PHACTR1: variants seen among roughly 807,000 people sequenced by gnomAD.
The protein encoded by PHACTR1 is RPEL repeat containing 1.
Under a neutral mutation model 69.2 loss-of-function variants are expected in PHACTR1, and 16 were observed. The observed-to-expected ratio is 0.23, with a 90% CI of 0.16 to 0.35. The LOEUF is 0.35. Among genes scored for constraint, PHACTR1 ranks in the 10% least tolerant of loss-of-function variants. The pLI is 1.00. For missense variants in PHACTR1, 510 were observed against 734.7 expected, an observed-to-expected ratio of 0.69 and a Z score of 3.54; for synonymous variants, 312 against 284.5, an observed-to-expected ratio of 1.10 and a Z score of -0.97.
At chr6:12,984,312 T>G (rs1180537286) in intron 4 of PHACTR1, among the ~76,000 whole-genome samples, 2 of 152,248 alleles carry the variant, frequency 1.3e-5, no homozygotes, top group Non-Finnish European at 2.9e-5. Flanking sequence ...GGCCATATAG[T>G]CAAGAGTGTG....
intron 4 of PHACTR1, among the ~76,000 whole-genome samples, chr6:12,923,732 G>A (rs1280630383): frequency 6.6e-6 from 1 of 152,024 alleles, no homozygotes; most frequent in African/African-American, 2.4e-5. Flanking sequence ...TTCTTCACCA[G>A]ATTTGCTCTT....
At chr6:13,012,331 C>T (rs1458221881) in intron 4 of PHACTR1, among the ~76,000 whole-genome samples, 2 of 152,208 alleles carry the variant, frequency 1.3e-5, no homozygotes, top group Non-Finnish European at 2.9e-5. Flanking sequence ...GTGTAGAATT[C>T]GCCCAGTTGG....
At chr6:12,769,108 G>GTAACT (rs1224317342) in intron 4 of PHACTR1, among the ~76,000 whole-genome samples, 2 of 152,088 alleles carry the variant, frequency 1.3e-5, no homozygotes, top group Admixed American at 1.3e-4. Context: ...GGGAGAGGTT[G>GTAACT]GTCAATCGGT....
At position 12,959,201 on chromosome 6, in the gene PHACTR1, G is replaced by GA. The variant is rs67449659; in HGVS notation, c.251-94154dup. Among the ~76,000 whole-genome samples the GA allele has an allele frequency of 4.4e-4, 52 of 118,526 alleles. No individual in the cohort carries two copies. In the East Asian group the frequency reaches 6.4e-3, roughly 14 times the overall value. 77.8% of individuals were successfully genotyped at this position (118,526 alleles called of 152,430 possible). A position where few individuals can be genotyped will look rare whatever the true frequency, so the allele number is the denominator to read the frequency against. On this transcript the variant is annotated intron_variant, in intron 4 of 14. Coordinates refer to ENST00000332995, the MANE Select transcript of PHACTR1 (RefSeq NM_030948.6). Reference sequence around the variant, plus strand: ...CAAAAAAAAAAAAAAAAAAAGAAAAGAAAAAAAAAAGAAAAGAAAACAGAA... The same window carrying GA: ...CAAAAAAAAAAAAAAAAAAAGAAAAGAAAAAAAAAAAGAAAAGAAAACAGAA...
chr6:13,230,406 G>C (rs890010834), intron 10 of PHACTR1: 1 of 1,137,542 alleles, frequency 8.8e-7, no homozygotes, highest in African/African-American at 1.6e-5. Context: ...GCAAAAATTA[G>C]TCAGGCATGG....
intron 4 of PHACTR1, among the ~76,000 whole-genome samples, chr6:12,917,201 T>A (rs1787113560): frequency 6.6e-6 from 1 of 152,204 alleles, no homozygotes. Context: ...GTACACCAGT[T>A]TATGTTTTTC....
Position 12,944,815 on chromosome 6 carries a change from C to G in PHACTR1, c.251-108550C>G, listed in dbSNP as rs528201137. On this transcript the variant is annotated intron_variant, in intron 4 of 14. Transcript: ENST00000332995. The stretch of plus-strand genomic sequence containing the variant: ...TTTTTTTTTTTGAGACGGAGTCTGG[C>G]TCTATCGCCCAGGCTGGAATGCAGT... 1.2e-3 allele frequency among the ~76,000 whole-genome samples: 176 copies of G among 149,452 alleles called. 1 individual carries two copies. The highest frequency in any genetic ancestry group is 2.3e-3 in the Non-Finnish European group (157 of 67,756).
chr6:13,172,194 CTG>C (rs1040401845), intron 6 of PHACTR1, among the ~76,000 whole-genome samples: 2 of 152,188 alleles, frequency 1.3e-5, no homozygotes, highest in African/African-American at 4.8e-5. Flanking sequence ...AGGAGAGAAA[CTG>C]TGACATTCTG....
intron 4 of PHACTR1, among the ~76,000 whole-genome samples, chr6:12,931,639 G>C (rs542501913): frequency 1.3e-5 from 2 of 152,156 alleles, no homozygotes; most frequent in South Asian, 2.1e-4. Flanking sequence ...GCTCACGTCA[G>C]CATCCGGGGA....
intron 4 of PHACTR1, among the ~76,000 whole-genome samples, chr6:12,910,994 A>G (rs1203347178): frequency 1.3e-5 from 2 of 152,208 alleles, no homozygotes; most frequent in African/African-American, 4.8e-5. Flanking sequence ...TCTGACTGGC[A>G]TGAAAGCTCA....
intron 4 of PHACTR1, among the ~76,000 whole-genome samples, chr6:12,955,130 A>G (rs964393910): frequency 6.6e-6 from 1 of 151,892 alleles, no homozygotes; most frequent in Non-Finnish European, 1.5e-5. Context: ...TTTCCCTTAA[A>G]AAATTTTAAT....
intron 4 of PHACTR1, among the ~76,000 whole-genome samples, chr6:12,789,281 C>A (rs927179157): frequency 3.3e-5 from 5 of 152,164 alleles, no homozygotes; most frequent in Admixed American, 3.3e-4. Flanking sequence ...CATTGGTAAA[C>A]CTTCCTTGTG....
At chr6:13,282,202 T>A (rs1780435527) in intron 12 of PHACTR1, among the ~76,000 whole-genome samples, 1 of 152,330 alleles carries the variant, frequency 6.6e-6, no homozygotes, top group Non-Finnish European at 1.5e-5. Context: ...TGTCTTCTAG[T>A]AATAGAATTA....
intron 4 of PHACTR1, among the ~76,000 whole-genome samples, chr6:13,029,477 G>C (rs1210974265): frequency 1.3e-5 from 2 of 152,180 alleles, no homozygotes; most frequent in African/African-American, 2.4e-5. Flanking sequence ...GGCATGGCTA[G>C]TGACGGCAGA....
chr6:12,993,369 T>G (rs1797038119), intron 4 of PHACTR1, among the ~76,000 whole-genome samples: 1 of 152,224 alleles, frequency 6.6e-6, no homozygotes, highest in Non-Finnish European at 1.5e-5. Context: ...TTTGAAATAC[T>G]CATTCATTAG....
At chr6:12,984,341 G>A (rs1054654706) in intron 4 of PHACTR1, among the ~76,000 whole-genome samples, 43 of 152,146 alleles carry the variant, frequency 2.8e-4, no homozygotes, top group Non-Finnish European at 7.3e-5. Flanking sequence ...TGTTGTTGTT[G>A]TTTTTTGGAA....
At chr6:13,043,146 G>T (rs527449366) in intron 4 of PHACTR1, among the ~76,000 whole-genome samples, 2 of 152,346 alleles carry the variant, frequency 1.3e-5, no homozygotes, top group East Asian at 3.9e-4. Context: ...GGCTGAAAGG[G>T]CTGGGCATGG....
chr6:12,963,780 G>C (rs1316465832), intron 4 of PHACTR1, among the ~76,000 whole-genome samples: 1 of 152,208 alleles, frequency 6.6e-6, no homozygotes, highest in Non-Finnish European at 1.5e-5. Context: ...TGGATGCAGT[G>C]AACTCGCCAA....
intron 13 of PHACTR1, 120 bp from the exon 14 acceptor site, chr6:13,286,026 C>A: frequency 2.7e-6 from 2 of 748,270 alleles, no homozygotes; most frequent in Non-Finnish European, 4.2e-6. Flanking sequence ...ATGAAAGAAT[C>A]CATCTTAAAC....
Sources: allele counts gnomAD v4.1 joint callset (sites outside exome capture counted in the v4.1 genomes callset), GRCh38; gene constraint gnomAD v4.1.1; transcripts MANE v1.5; gene names NCBI Gene and HGNC (gene_info 2026-07-23, HGNC 2026-07-21).